Variants in SLC2A1 observed in about 807,000 individuals in gnomAD.
The protein encoded by SLC2A1 is solute carrier family 2, facilitated glucose transporter member 1.
In SLC2A1, 4 loss-of-function variants were observed where a neutral mutation model predicts 46.6. The observed-to-expected ratio is 0.09, with a 90% CI of 0.04 to 0.20. SLC2A1 has a LOEUF of 0.20. Among genes scored for constraint, SLC2A1 ranks in the 10% least tolerant of loss-of-function variants. The pLI is 1.00. For missense variants in SLC2A1, 352 were observed against 667.0 expected (o/e 0.53, Z 5.20); for synonymous variants, 253 against 270.0 (o/e 0.94, Z 0.62).
At chr1:42,947,159 G>A (rs575922117) in intron 1 of SLC2A1, among the ~76,000 whole-genome samples, 2 of 152,282 alleles carry the variant, frequency 1.3e-5, no homozygotes, top group African/African-American at 2.4e-5. Flanking sequence ...TTCACTCAAC[G>A]TGTATTTATT....
chr1:42,953,081 A>T (rs1643738659), intron 1 of SLC2A1, among the ~76,000 whole-genome samples: 1 of 152,180 alleles, frequency 6.6e-6, no homozygotes, highest in Admixed American at 6.6e-5. Context: ...CCCCACTCCC[A>T]AATGCCAGGG....
rs1211283070 is a variant in SLC2A1, at chr1:42,954,867, A to G, written c.18+3767T>C. ...TCCCTTTCAAACTATCCCAAGGGTG[A>G]CCCAAATTCAGAAAGGTAGGCAGGA... On this transcript the variant is annotated intron_variant, in intron 1 of 9. Transcript: ENST00000426263. This position sits in a 1 kb window ranked among gnomAD's most constrained non-coding sequence, Gnocchi z 4.2. 6.6e-6 allele frequency among the ~76,000 whole-genome samples: 1 copy of G among 152,214 alleles called. No individual in the cohort carries two copies. Among genetic ancestry groups the G allele is most frequent in the Admixed American group, 6.5e-5 (1 of 15,288 alleles).
intron 1 of SLC2A1, 122 bp downstream of exon 1, chr1:42,958,512 G>T: frequency 1.4e-6 from 1 of 712,606 alleles, no homozygotes; most frequent in South Asian, 5.0e-5. Flanking sequence ...GCTCGGAGAG[G>T]CGCGCGGCCC....
At position 42,958,753 on chromosome 1, in the gene SLC2A1, TC is replaced by T; in HGVS notation, c.-103del. On this transcript the variant is annotated 5_prime_UTR_variant, in exon 1 of 10. Transcript: ENST00000426263. ...CAGGCTCGTGCTCCGGTCCGGGGAC[TC>T]CCACTGCGACTCTGACTCCGACCCC... 1 of 1,240,580 alleles carries T rather than the reference TC, an allele frequency of 8.1e-7. No homozygotes were observed. The highest frequency in any genetic ancestry group is 1.1e-6 in the Non-Finnish European group (1 of 888,944). 76.8% of individuals were successfully genotyped at this position (1,240,580 alleles called of 1,614,324 possible).
rs199897579 is a variant in SLC2A1 at position 42,928,895 on chromosome 1, T to A, written c.1074+37A>T. The stretch of plus-strand genomic sequence containing the variant: ...TGGGATATGAAGCCCAGGCAAACTC[T>A]CCCGCATCCCTCACTCTCCAGAACC... On this transcript the variant is annotated intron_variant, in intron 8 of 9. Transcript: ENST00000426263. 8 of 1,577,936 alleles carry A rather than the reference T, an allele frequency of 5.1e-6. No homozygotes were observed. In the African/African-American group the frequency reaches 9.4e-5, roughly 19 times the overall value.
chr1:42,943,030 A>G, intron 2 of SLC2A1, 196 bp downstream of exon 2: 2 of 627,674 alleles, frequency 3.2e-6, no homozygotes, highest in South Asian at 1.8e-5. Context: ...GAGATTCTAG[A>G]ATTCTGCCAC....
intron 2 of SLC2A1, among the ~76,000 whole-genome samples, chr1:42,934,057 T>G (rs1341390842): frequency 6.6e-6 from 1 of 152,212 alleles, no homozygotes; most frequent in Non-Finnish European, 1.5e-5. Context: ...TTGAATTGTA[T>G]ACAAAGAAAG....
chr1:42,950,486 T>C (rs1291582326), intron 1 of SLC2A1, among the ~76,000 whole-genome samples: 1 of 152,216 alleles, frequency 6.6e-6, no homozygotes, highest in African/African-American at 2.4e-5. Context: ...TCCTTGGCCA[T>C]GTGTGGGTGT....
At chr1:42,957,023 C>T (rs1643783607) in intron 1 of SLC2A1, among the ~76,000 whole-genome samples, 1 of 152,216 alleles carries the variant, frequency 6.6e-6, no homozygotes, top group Admixed American at 6.5e-5. Flanking sequence ...TCTGTCTCCA[C>T]GTAGTATTCC....
chr1:42,952,243 C>A, intron 1 of SLC2A1: 1 of 418,722 alleles, frequency 2.4e-6, no homozygotes, highest in Non-Finnish European at 4.7e-6. Context: ...AGAATGAGAC[C>A]ATGCAGTGAA....
intron 2 of SLC2A1, chr1:42,942,921 T>C (rs1643612807): frequency 9.1e-6 from 4 of 441,192 alleles, no homozygotes; most frequent in South Asian, 6.4e-5. Context: ...GAGCTTTGCT[T>C]TGAGTTTATT....
intron 8 of SLC2A1, 58 bp downstream of exon 8, chr1:42,928,874 A>T (rs1292331437): frequency 6.8e-7 from 1 of 1,470,850 alleles, no homozygotes; most frequent in African/African-American, 1.4e-5. Flanking sequence ...GCATTTTGGG[A>T]TATGAAGCCC....
At chr1:42,956,122 T>C (rs1207350029) in intron 1 of SLC2A1, among the ~76,000 whole-genome samples, 3 of 137,082 alleles carry the variant, frequency 2.2e-5, no homozygotes, top group Non-Finnish European at 3.2e-5. Context: ...TATTCCAGAA[T>C]GTATATGGAA....
chr1:42,947,840 G>A (rs941128626), intron 1 of SLC2A1, among the ~76,000 whole-genome samples: 1 of 152,190 alleles, frequency 6.6e-6, no homozygotes, highest in African/African-American at 2.4e-5. Context: ...GGGCAAAGCT[G>A]GCTCTGTGAG....
chr1:42,951,132 T>G (rs999126601), intron 1 of SLC2A1, among the ~76,000 whole-genome samples: 1 of 152,220 alleles, frequency 6.6e-6, no homozygotes, highest in Non-Finnish European at 1.5e-5. Flanking sequence ...ACCAAATCCC[T>G]GCCTATGGAA....
Position 42,931,123 on chromosome 1 carries a change from G to A in SLC2A1, c.198C>T (p.Ser66=), listed in dbSNP as rs772714970. ...CAACAGAAAAGATGGCCACTGAGAG[G>A]GACCAGAGCGTGGTGAGCGTGGTGG... ...ILPTTLTTLW[S]LSVAIFSVGG... The change falls in exon 3 of 10, where the codon TCC becomes TCT. Residue 66 remains serine (S), a synonymous_variant. Transcript: ENST00000426263. 6.2e-7 allele frequency: 1 copy of A among 1,614,142 alleles called. No individual in the cohort carries two copies. The highest frequency in any genetic ancestry group is 1.1e-5 in the South Asian group (1 of 91,082).
chr1:42,938,193 A>G, intron 2 of SLC2A1, among the ~76,000 whole-genome samples: 1 of 150,780 alleles, frequency 6.6e-6, no homozygotes, highest in South Asian at 2.1e-4. Context: ...TCCCTGGTTC[A>G]TTTAGCTGCT....
chr1:42,940,430 A>G (rs979778616), intron 2 of SLC2A1, among the ~76,000 whole-genome samples: 1 of 152,198 alleles, frequency 6.6e-6, no homozygotes, highest in Non-Finnish European at 1.5e-5. Flanking sequence ...TCTAGGCACT[A>G]AGGACACGGC....
At position 42,930,034 on chromosome 1, in the gene SLC2A1, A is replaced by C. The variant is rs1570592968; in HGVS notation, c.518T>G (p.Val173Gly). Reference protein sequence around the residue: ...GIVVGILIAQVFGLDSIMGNK... With the variant: ...GIVVGILIAQGFGLDSIMGNK... ...GCCCATGATGGAGTCCAGGCCGAACACCTGGGGGAAGCAGGGGCCGTGAGC... is the reference window on the plus strand; with the variant it reads ...GCCCATGATGGAGTCCAGGCCGAACCCCTGGGGGAAGCAGGGGCCGTGAGC... The change falls in exon 5 of 10, where the codon GTG becomes GGG. Residue 173 changes from valine to glycine, a missense_variant and splice_region_variant. Around this residue, in one of 5 missense-constraint regions of SLC2A1, gnomAD observed 167 missense variants for 280.8 expected, o/e 0.59. Transcript: ENST00000426263. The surrounding 1 kb of genome is among the most constrained non-coding windows in gnomAD (Gnocchi z 6.2). The C allele has an allele frequency of 6.2e-7, 1 of 1,613,862 alleles. No individual in the cohort carries two copies. The highest frequency in any genetic ancestry group is 2.2e-5 in the East Asian group (1 of 44,874).
Sources: allele counts gnomAD v4.1 joint callset (sites outside exome capture counted in the v4.1 genomes callset), GRCh38; gene constraint gnomAD v4.1.1; regional missense constraint gnomAD v4.1.1; non-coding constraint Gnocchi (gnomAD v3.1); transcripts MANE v1.5; gene names NCBI Gene and HGNC (gene_info 2026-07-23, HGNC 2026-07-21).